PCDHGA12: variants seen among roughly 807,000 people sequenced by gnomAD.
PCDHGA12 encodes protocadherin gamma subfamily A, 12.
Under a neutral mutation model 61.1 loss-of-function variants are expected in PCDHGA12, and 43 were observed. That is an observed-to-expected ratio of 0.70 (90% CI 0.55 to 0.91). PCDHGA12 has a LOEUF of 0.91. Among genes scored for constraint, PCDHGA12 ranks in the 40% least tolerant of loss-of-function variants. The pLI is 0.00. For missense variants in PCDHGA12, 1,236 were observed against 1,227.7 expected (o/e 1.01, Z -0.10); for synonymous variants, 520 against 542.9 (o/e 0.96, Z 0.59).
intron 1 of PCDHGA12, chr5:141,442,419 T>TG (rs1214499832): frequency 1.3e-5 from 2 of 152,192 alleles, no homozygotes; most frequent in African/African-American, 4.8e-5. Context: ...AGTGAACTTC[T>TG]TTTTTGAATC....
Position 141,432,229 on chromosome 5 carries a change from C to T in PCDHGA12, c.1470C>T (p.Ser490=), listed in dbSNP as rs1246285803. ...DCEENAQITY[S]LAENTIQGAS... is the part of the protein sequence containing the mutation. Reference sequence around the variant, plus strand: ...AAGAGAACGCCCAGATCACTTATTCCCTGGCTGAGAACACCATCCAAGGGG... The same window carrying T: ...AAGAGAACGCCCAGATCACTTATTCTCTGGCTGAGAACACCATCCAAGGGG... Residue 490 remains serine (S), a synonymous_variant, in exon 1 of 4, where the codon TCC becomes TCT. Coordinates refer to ENST00000252085, the MANE Select transcript of PCDHGA12 (RefSeq NM_003735.3). The surrounding 1 kb of genome is among the most constrained non-coding windows in gnomAD (Gnocchi z 6.0). The T allele has an allele frequency of 6.2e-7, 1 of 1,614,232 alleles. No homozygotes were observed.
chr5:141,482,593 G>A (rs1314658005), intron 1 of PCDHGA12, among the ~76,000 whole-genome samples: 4 of 149,900 alleles, frequency 2.7e-5, no homozygotes, highest in Non-Finnish European at 5.9e-5. Flanking sequence ...GGGACCAAAC[G>A]GGAAAAAACA....
Position 141,430,639 on chromosome 5 carries a change from A to C in PCDHGA12, c.-121A>C. The C allele has an allele frequency of 6.7e-6, 6 of 900,712 alleles. No homozygotes were observed. Among genetic ancestry groups the C allele is most frequent in the Non-Finnish European group, 9.7e-6 (6 of 618,258 alleles). The allele number at this position is 900,712 out of a possible 1,614,324, so 55.8% of individuals were successfully genotyped here. A position where few individuals can be genotyped will look rare whatever the true frequency, so the allele number is the denominator to read the frequency against. On this transcript the variant is annotated 5_prime_UTR_variant, in exon 1 of 4. Transcript: ENST00000252085. The stretch of plus-strand genomic sequence containing the variant: ...TAGCTAGGAATGAACCATCCCTGGG[A>C]GTATGTGGAAACAACGGAGGAGCTC...
At position 141,450,006 on chromosome 5, in the gene PCDHGA12, C is replaced by CTAT. The variant is rs70988802; in HGVS notation, c.2424+16824_2424+16825insATT. ...CACATTGCATTTAGTTGCCATGTCT[C>CTAT]TTTTTTTTTTTTTTTTTTGAGACAG... On this transcript the variant is annotated intron_variant, in intron 1 of 3. Transcript: ENST00000252085. Among the ~76,000 whole-genome samples the CTAT allele has an allele frequency of 2.5e-4, 33 of 132,964 alleles. 6 individuals are homozygous for CTAT. Among genetic ancestry groups the CTAT allele is most frequent in the Non-Finnish European group, 2.9e-4 (18 of 62,916 alleles). The allele number at this position is 132,964 out of a possible 152,430, so 87.2% of individuals were successfully genotyped here. A position where few individuals can be genotyped will look rare whatever the true frequency, so the allele number is the denominator to read the frequency against.
At chr5:141,497,018 A>G (rs988584487) in intron 2 of PCDHGA12, among the ~76,000 whole-genome samples, 1 of 152,084 alleles carries the variant, frequency 6.6e-6, no homozygotes, top group Non-Finnish European at 1.5e-5. Flanking sequence ...GTGAAACCCC[A>G]TCTCGATTAA....
At chr5:141,502,118 G>A (rs897244225) in intron 2 of PCDHGA12, among the ~76,000 whole-genome samples, 3 of 152,108 alleles carry the variant, frequency 2.0e-5, no homozygotes, top group African/African-American at 7.2e-5. Context: ...CCTCAGCCAG[G>A]CCCACAGAGC....
rs778744503 is a variant in PCDHGA12, at chr5:141,511,152, G to A, written c.2778G>A (p.Ser926=). Residue 926 remains serine (S), a synonymous_variant, in exon 4 of 4, where the codon TCG becomes TCA. Transcript: ENST00000252085. The part of the protein sequence containing the change: ...PAGGNGNKKK[S]GKKEKK ...GTGGCAATGGCAACAAGAAGAAGTCGGGCAAGAAGGAGAAGAAGTAACATG... is the reference window on the plus strand; with the variant it reads ...GTGGCAATGGCAACAAGAAGAAGTCAGGCAAGAAGGAGAAGAAGTAACATG... The A allele has an allele frequency of 2.0e-5, 32 of 1,614,022 alleles. No individual in the cohort carries two copies. Among genetic ancestry groups the A allele is most frequent in the South Asian group, 4.4e-5 (4 of 91,090 alleles).
intron 1 of PCDHGA12, among the ~76,000 whole-genome samples, chr5:141,472,924 T>G (rs1247655318): frequency 2.0e-5 from 3 of 147,960 alleles, no homozygotes; most frequent in African/African-American, 7.5e-5. Flanking sequence ...AGGAGGAGGT[T>G]GTGGTGAGCC....
At chr5:141,481,844 G>A (rs552753850) in intron 1 of PCDHGA12, among the ~76,000 whole-genome samples, 7 of 151,350 alleles carry the variant, frequency 4.6e-5, no homozygotes, top group Admixed American at 1.3e-4. Context: ...TCGCTTGATG[G>A]TGGAGGTTGC....
Position 141,485,738 on chromosome 5 carries a change from A to G in PCDHGA12, c.2425-9069A>G, listed in dbSNP as rs1443978038. Reference sequence around the variant, plus strand: ...GGATGTGAAGAAGCGCAGCGACGGCAGCCTGGTCCCAGAGCTGCTCCTGGA... The same window carrying G: ...GGATGTGAAGAAGCGCAGCGACGGCGGCCTGGTCCCAGAGCTGCTCCTGGA... On this transcript the variant is annotated intron_variant, in intron 1 of 3. Transcript: ENST00000252085. This position sits in a 1 kb window ranked among gnomAD's most constrained non-coding sequence, Gnocchi z 5.7. 1 of 1,614,230 alleles carries G rather than the reference A, an allele frequency of 6.2e-7. No individual in the cohort carries two copies.
At chr5:141,484,931 A>ACGTT (rs1464416110) in intron 1 of PCDHGA12, 2 of 498,000 alleles carry the variant, frequency 4.0e-6, no homozygotes, top group Non-Finnish European at 7.2e-6. Flanking sequence ...TGCTGTTGGG[A>ACGTT]CGTTCTCTGC....
chr5:141,447,648 T>A (rs1262852729), intron 1 of PCDHGA12, among the ~76,000 whole-genome samples: 3 of 152,164 alleles, frequency 2.0e-5, no homozygotes, highest in African/African-American at 4.8e-5. Flanking sequence ...ATGGTAGAAT[T>A]TTCCCCCCCA....
chr5:141,467,042 G>T (rs2099134710), intron 1 of PCDHGA12, among the ~76,000 whole-genome samples: 1 of 149,884 alleles, frequency 6.7e-6, no homozygotes. Context: ...TTTGTGTAAT[G>T]AATCAATGTT....
chr5:141,460,498 T>C (rs1028506755), intron 1 of PCDHGA12, among the ~76,000 whole-genome samples: 3 of 152,184 alleles, frequency 2.0e-5, no homozygotes, highest in African/African-American at 7.2e-5. Context: ...TGGAAAAATA[T>C]GCTGAGAAGG....
rs1396744157 is a variant in PCDHGA12 at position 141,432,439 on chromosome 5, C to G, written c.1680C>G (p.Pro560=). 22 of 1,614,108 alleles carry G rather than the reference C, an allele frequency of 1.4e-5. No individual in the cohort carries two copies. The highest frequency in any genetic ancestry group is 1.7e-5 in the Non-Finnish European group (20 of 1,180,052). The change falls in exon 1 of 4, where the codon CCC becomes CCG. Residue 560 remains proline (P), a synonymous_variant. Coordinates refer to ENST00000252085, the MANE Select transcript of PCDHGA12 (RefSeq NM_003735.3). This position sits in a 1 kb window ranked among gnomAD's most constrained non-coding sequence, Gnocchi z 6.0. ...TGCTGGACCAGAACGACAATGCGCCCGAGATCCTGTACCCCGCCCTCCCCA... is the reference window on the plus strand; with the variant it reads ...TGCTGGACCAGAACGACAATGCGCCGGAGATCCTGTACCCCGCCCTCCCCA... The part of the protein sequence containing the change: ...LFVLDQNDNA[P]EILYPALPTD...
At chr5:141,464,228 G>A (rs1196103285) in intron 1 of PCDHGA12, among the ~76,000 whole-genome samples, 1 of 148,156 alleles carries the variant, frequency 6.7e-6, no homozygotes, top group African/African-American at 2.5e-5. Context: ...TTGCGCCACT[G>A]CACTCCAGCC....
intron 1 of PCDHGA12, among the ~76,000 whole-genome samples, chr5:141,461,046 G>A (rs984653754): frequency 6.6e-6 from 1 of 151,578 alleles, no homozygotes; most frequent in Non-Finnish European, 1.5e-5. Context: ...AGTCGATGGG[G>A]ACTTAGGTTG....
At position 141,486,882 on chromosome 5, in the gene PCDHGA12, C is replaced by T; in HGVS notation, c.2425-7925C>T. The T allele has an allele frequency of 6.2e-7, 1 of 1,614,244 alleles. No individual in the cohort carries two copies. The highest frequency in any genetic ancestry group is 1.1e-5 in the South Asian group (1 of 91,086). On this transcript the variant is annotated intron_variant, in intron 1 of 3. Transcript: ENST00000252085. This position sits in a 1 kb window ranked among gnomAD's most constrained non-coding sequence, Gnocchi z 5.0. ...GCTCCAGCTGTGCTCCGTCCTCGGG[C>T]CCGGCCTGGTTCCTTATGTCCCCAA...
intron 1 of PCDHGA12, chr5:141,478,843 C>G: frequency 7.2e-7 from 1 of 1,398,442 alleles, no homozygotes; most frequent in South Asian, 1.5e-5. Flanking sequence ...GATGGTTAAG[C>G]TAAAACACAA....
Sources: allele counts gnomAD v4.1 joint callset (sites outside exome capture counted in the v4.1 genomes callset), GRCh38; gene constraint gnomAD v4.1.1; non-coding constraint Gnocchi (gnomAD v3.1); transcripts MANE v1.5; gene names NCBI Gene and HGNC (gene_info 2026-07-23, HGNC 2026-07-21).